Variants in BAZ2B observed in about 807,000 individuals in gnomAD.
BAZ2B encodes the protein bromodomain adjacent to zinc finger domain protein 2B.
BAZ2B carries 91 observed loss-of-function variants against 246.0 expected under a neutral mutation model. That is an observed-to-expected ratio of 0.37 (90% CI 0.31 to 0.44). The LOEUF is 0.44. Ranked by LOEUF, BAZ2B falls within the 20% of genes least tolerant of loss-of-function variation. The pLI, the probability that BAZ2B is intolerant of heterozygous loss-of-function variation, is 1.00. For synonymous variants in BAZ2B, 855 were observed against 860.0 expected, an observed-to-expected ratio of 0.99 and a Z score of 0.10; for missense variants, 2,332 against 2,533.7, an observed-to-expected ratio of 0.92 and a Z score of 1.71.
chr2:159,455,819 C>CA (rs1324320278), intron 3 of BAZ2B, among the ~76,000 whole-genome samples: 7 of 93,214 alleles, frequency 7.5e-5, no homozygotes, highest in Admixed American at 1.4e-4. Context: ...GCTAGTTTCT[C>CA]AAAAAAATGA....
At chr2:159,587,708 G>T (rs903072819) in intron 1 of BAZ2B, among the ~76,000 whole-genome samples, 2 of 152,026 alleles carry the variant, frequency 1.3e-5, no homozygotes, top group South Asian at 4.2e-4. Context: ...CTAATTCTCC[G>T]GATGTACTTA....
chr2:159,469,880 T>C (rs1019688445), intron 3 of BAZ2B, among the ~76,000 whole-genome samples: 1 of 152,132 alleles, frequency 6.6e-6, no homozygotes, highest in Admixed American at 6.5e-5. Flanking sequence ...GAAAAAATAA[T>C]ATCATTATAT....
At chr2:159,470,435 TA>T (rs1217193606) in intron 3 of BAZ2B, among the ~76,000 whole-genome samples, 1 of 152,212 alleles carries the variant, frequency 6.6e-6, no homozygotes, top group Non-Finnish European at 1.5e-5. Context: ...AGTATACATT[TA>T]AAATGGTGAA....
chr2:159,455,763 GTTTT>G (rs60866580), intron 3 of BAZ2B, among the ~76,000 whole-genome samples: 8 of 64,608 alleles, frequency 1.2e-4, no homozygotes, highest in Admixed American at 2.3e-4. Context: ...AAATATTGTG[GTTTT>G]TTTTTTTTTT....
chr2:159,650,983 C>T, the BAZ2B span, among the ~76,000 whole-genome samples: 1 of 152,272 alleles, frequency 6.6e-6, no homozygotes, highest in African/African-American at 2.4e-5. Context: ...TACTCCATCT[C>T]ATCTAGAAAT....
chr2:159,481,831 G>C (rs1386829378), intron 2 of BAZ2B, among the ~76,000 whole-genome samples: 1 of 151,714 alleles, frequency 6.6e-6, no homozygotes, highest in East Asian at 1.9e-4. Context: ...TGGAGACTAA[G>C]GAGACTAGGA....
chr2:159,563,994 A>T (rs1245384698), intron 1 of BAZ2B, among the ~76,000 whole-genome samples: 1 of 152,242 alleles, frequency 6.6e-6, no homozygotes. Context: ...CTGGGAGTAT[A>T]GCACTGAACA....
chr2:159,384,155 T>TACTTTA (rs2062342991), intron 23 of BAZ2B, among the ~76,000 whole-genome samples: 1 of 152,084 alleles, frequency 6.6e-6, no homozygotes. Context: ...CATTCTGTTT[T>TACTTTA]ACTTTACCAG....
At chr2:159,346,183 A>G (rs929234890) in intron 31 of BAZ2B, among the ~76,000 whole-genome samples, 1 of 152,146 alleles carries the variant, frequency 6.6e-6, no homozygotes, top group African/African-American at 2.4e-5. Context: ...TTTGCTTCCC[A>G]ACGTTGGTAA....
chr2:159,540,491 C>A (rs1281329532), intron 2 of BAZ2B, among the ~76,000 whole-genome samples: 1 of 152,214 alleles, frequency 6.6e-6, no homozygotes, highest in Non-Finnish European at 1.5e-5. Flanking sequence ...TTCTAGAATT[C>A]TTTTCTTTCA....
the BAZ2B span, among the ~76,000 whole-genome samples, chr2:159,634,837 C>T: frequency 6.6e-6 from 1 of 152,192 alleles, no homozygotes; most frequent in Non-Finnish European, 1.5e-5. Context: ...CTTTAAAACA[C>T]CCCTAGCCTG....
chr2:159,467,907 G>A (rs2077282308), intron 3 of BAZ2B, among the ~76,000 whole-genome samples: 1 of 152,168 alleles, frequency 6.6e-6, no homozygotes, highest in Non-Finnish European at 1.5e-5. Context: ...ACAGATGATG[G>A]TCAAATAAAA....
upstream of BAZ2B, chr2:159,616,848 G>A (rs1475886525): frequency 6.6e-6 from 1 of 152,100 alleles, no homozygotes; most frequent in Admixed American, 6.5e-5. Flanking sequence ...AAAAACAAAA[G>A]CTACAGAGTA....
chr2:159,520,839 T>C (rs1156889726), intron 2 of BAZ2B, among the ~76,000 whole-genome samples: 1 of 152,176 alleles, frequency 6.6e-6, no homozygotes, highest in African/African-American at 2.4e-5. Flanking sequence ...AACCTCAAAA[T>C]GACGAAGATT....
the BAZ2B span, among the ~76,000 whole-genome samples, chr2:159,634,334 T>C: frequency 6.6e-6 from 1 of 152,164 alleles, no homozygotes; most frequent in Non-Finnish European, 1.5e-5. Context: ...TCTCATCCCC[T>C]TTTTGCAAGG....
At chr2:159,524,362 G>A (rs1342727103) in intron 2 of BAZ2B, among the ~76,000 whole-genome samples, 3 of 152,146 alleles carry the variant, frequency 2.0e-5, no homozygotes, top group Non-Finnish European at 2.9e-5. Context: ...GGCTAAGGTG[G>A]GAGGATCGCT....
chr2:159,701,435 T>C, the BAZ2B span, among the ~76,000 whole-genome samples: 4 of 151,818 alleles, frequency 2.6e-5, no homozygotes, highest in African/African-American at 7.2e-5. Context: ...TGAGGATCTG[T>C]ATCATTCCTT....
the BAZ2B span, among the ~76,000 whole-genome samples, chr2:159,653,541 A>G: frequency 6.6e-6 from 1 of 152,210 alleles, no homozygotes; most frequent in African/African-American, 2.4e-5. Context: ...AACTTGAGAT[A>G]GTCTTTGCTC....
intron 34 of BAZ2B, among the ~76,000 whole-genome samples, chr2:159,332,122 GAGGT>G (rs1364216491): frequency 6.6e-6 from 1 of 152,152 alleles, no homozygotes; most frequent in East Asian, 1.9e-4. Context: ...GAAAGTAACT[GAGGT>G]AGGGAATACC....
Sources: gnomAD v4.1 joint callset for allele counts (sites outside exome capture counted in the v4.1 genomes callset) on GRCh38, gnomAD v4.1.1 for gene constraint, MANE v1.5 for transcripts, NCBI Gene and HGNC (gene_info 2026-07-23, HGNC 2026-07-21) for gene names.